Variants in CENPP observed in about 807,000 individuals in gnomAD.
The protein encoded by CENPP is centromere protein P.
CENPP carries 24 observed loss-of-function variants against 35.6 expected under a neutral mutation model. The ratio of observed to expected loss-of-function variants is 0.67; its 90% CI spans 0.49 to 0.95. The LOEUF (loss-of-function observed/expected upper bound fraction) is 0.95, where lower values mean the gene tolerates loss of function less well. CENPP is among the 40% of genes least tolerant of loss of function. The pLI is 0.00. For missense variants in CENPP, 332 were observed against 345.3 expected (o/e 0.96, Z 0.31); for synonymous variants, 120 against 125.5 (o/e 0.96, Z 0.29).
At chr9:92,334,098 T>A (rs1332079382) in intron 2 of CENPP, among the ~76,000 whole-genome samples, 1 of 151,626 alleles carries the variant, frequency 6.6e-6, no homozygotes, top group East Asian at 1.9e-4. Context: ...AATTAAGTGT[T>A]ACTGCAAAGT....
intron 5 of CENPP, chr9:92,466,257 A>G (rs1845307516): frequency 1.2e-5 from 10 of 820,312 alleles, no homozygotes; most frequent in Admixed American, 2.8e-5. Context: ...AGATTATTCA[A>G]AAATTAATTT....
chr9:92,415,409 C>T, intron 5 of CENPP: 1 of 1,613,556 alleles, frequency 6.2e-7, no homozygotes. Context: ...TTTTGGTCCA[C>T]ACGAATGTAT....
intron 5 of CENPP, among the ~76,000 whole-genome samples, chr9:92,559,407 G>A (rs1849800217): frequency 6.6e-6 from 1 of 152,202 alleles, no homozygotes; most frequent in South Asian, 2.1e-4. Context: ...CAGTGGGGGT[G>A]TGTGTTTAGG....
intron 5 of CENPP, among the ~76,000 whole-genome samples, chr9:92,603,154 TA>T (rs1207182365): frequency 1.3e-5 from 2 of 152,232 alleles, no homozygotes; most frequent in African/African-American, 4.8e-5. Flanking sequence ...CAAAGTCATA[TA>T]GCCAATCAAC....
intron 5 of CENPP, among the ~76,000 whole-genome samples, chr9:92,461,609 TG>T (rs1417481612): frequency 7.2e-5 from 11 of 152,218 alleles, no homozygotes; most frequent in African/African-American, 2.2e-4. Flanking sequence ...GGTAGTCAGA[TG>T]CAGAGAGACA....
At chr9:92,584,524 T>A (rs1426268504) in intron 5 of CENPP, among the ~76,000 whole-genome samples, 1 of 152,084 alleles carries the variant, frequency 6.6e-6, no homozygotes, top group Non-Finnish European at 1.5e-5. Flanking sequence ...AAGTTTTACA[T>A]TTTTTTAAGA....
chr9:92,368,902 C>T (rs1406162303), intron 4 of CENPP, among the ~76,000 whole-genome samples: 1 of 151,952 alleles, frequency 6.6e-6, no homozygotes, highest in East Asian at 1.9e-4. Flanking sequence ...AAACATTTTC[C>T]AGGTCTGCCT....
At chr9:92,448,757 T>C (rs952214059) in intron 5 of CENPP, among the ~76,000 whole-genome samples, 1 of 152,118 alleles carries the variant, frequency 6.6e-6, no homozygotes, top group Admixed American at 6.5e-5. Flanking sequence ...TTACGTTATT[T>C]CCAGGAATGG....
intron 4 of CENPP, among the ~76,000 whole-genome samples, chr9:92,361,303 G>A (rs1841741732): frequency 6.6e-6 from 1 of 151,338 alleles, no homozygotes; most frequent in Non-Finnish European, 1.5e-5. Flanking sequence ...ACCACATCTG[G>A]CTAATTTTTG....
chr9:92,530,595 T>C (rs1848686017), intron 5 of CENPP, among the ~76,000 whole-genome samples: 1 of 152,230 alleles, frequency 6.6e-6, no homozygotes, highest in Non-Finnish European at 1.5e-5. Flanking sequence ...AATTTAGTCG[T>C]TATATCTTTC....
chr9:92,446,321 T>C (rs1179742825), intron 5 of CENPP, among the ~76,000 whole-genome samples: 1 of 152,240 alleles, frequency 6.6e-6, no homozygotes, highest in African/African-American at 2.4e-5. Flanking sequence ...TGGAAATGTT[T>C]TCTTTGTTAT....
chr9:92,567,088 T>C (rs1849984973), intron 5 of CENPP, among the ~76,000 whole-genome samples: 1 of 151,958 alleles, frequency 6.6e-6, no homozygotes, highest in Non-Finnish European at 1.5e-5. Flanking sequence ...TAAGACATTC[T>C]CAGATGAACA....
At position 92,618,441 on chromosome 9, in the gene CENPP, C is replaced by G. The variant is rs1363628241; in HGVS notation, c.*5292C>G. 2.2e-6 allele frequency: 1 copy of G among 456,582 alleles called. No individual in the cohort carries two copies. Among genetic ancestry groups the G allele is most frequent in the African/African-American group, 2.0e-5 (1 of 50,064 alleles). 28.3% of individuals were successfully genotyped at this position (456,582 alleles called of 1,614,324 possible). A position where few individuals can be genotyped will look rare whatever the true frequency, so the allele number is the denominator to read the frequency against. ...CCCAGGTGCTAGACGAGGTGAGTAACATGTCTGTCCTTCAGCGGCCTTTCA... is the reference window on the plus strand; with the variant it reads ...CCCAGGTGCTAGACGAGGTGAGTAAGATGTCTGTCCTTCAGCGGCCTTTCA... On this transcript the variant is annotated 3_prime_UTR_variant, in exon 8 of 8. Coordinates refer to ENST00000375587, the MANE Select transcript of CENPP (RefSeq NM_001012267.3).
chr9:92,500,648 A>G (rs1023244674), intron 5 of CENPP: 17 of 1,380,498 alleles, frequency 1.2e-5, no homozygotes, highest in Non-Finnish European at 1.2e-5. Flanking sequence ...CGTAAATCCC[A>G]GAGATCATGT....
At chr9:92,377,913 A>G (rs561283604) in intron 4 of CENPP, among the ~76,000 whole-genome samples, 1 of 152,120 alleles carries the variant, frequency 6.6e-6, no homozygotes, top group Non-Finnish European at 1.5e-5. Context: ...TTAGGATTTC[A>G]TAAACAGATG....
chr9:92,360,744 G>A (rs1299234624), intron 4 of CENPP, among the ~76,000 whole-genome samples: 7 of 150,748 alleles, frequency 4.6e-5, no homozygotes, highest in Admixed American at 4.0e-4. Flanking sequence ...TCTTGCTGTC[G>A]CCCAGGCTGG....
intron 4 of CENPP, among the ~76,000 whole-genome samples, chr9:92,370,899 A>G (rs1020768328): frequency 1.3e-5 from 2 of 152,114 alleles, no homozygotes; most frequent in South Asian, 2.1e-4. Context: ...GCTTGTCCTT[A>G]TAAGTTGTTG....
chr9:92,602,431 G>A (rs1850946144), intron 5 of CENPP, among the ~76,000 whole-genome samples: 3 of 152,276 alleles, frequency 2.0e-5, no homozygotes, highest in South Asian at 4.1e-4. Flanking sequence ...TGGTGGGGCC[G>A]CGTCTGAGGC....
At chr9:92,416,644 T>C in intron 5 of CENPP, 1 of 1,591,786 alleles carries the variant, frequency 6.3e-7, no homozygotes, top group Non-Finnish European at 8.6e-7. Flanking sequence ...TTTGTAGGTA[T>C]AGGTGTTCCA....
Sources: allele counts gnomAD v4.1 joint callset (sites outside exome capture counted in the v4.1 genomes callset), GRCh38; gene constraint gnomAD v4.1.1; transcripts MANE v1.5; gene names NCBI Gene and HGNC (gene_info 2026-07-23, HGNC 2026-07-21).